IL2RB: variants seen among roughly 807,000 people sequenced by gnomAD.
IL2RB encodes the protein interleukin 2 receptor subunit beta.
IL2RB carries 17 observed loss-of-function variants against 44.2 expected under a neutral mutation model. That is an observed-to-expected ratio of 0.38 (90% CI 0.26 to 0.58). The LOEUF (loss-of-function observed/expected upper bound fraction) is 0.58. Ranked by LOEUF, IL2RB falls within the 20% of genes least tolerant of loss-of-function variation. The pLI is 0.63. For synonymous variants in IL2RB, 286 were observed against 297.9 expected (o/e 0.96, Z 0.41); for missense variants, 624 against 685.5 (o/e 0.91, Z 1.00).
rs1467626613 is a variant in IL2RB at position 37,128,044 on chromosome 22, T to C, written c.*52A>G. 3 of 1,429,818 alleles carry C rather than the reference T, an allele frequency of 2.1e-6. No individual in the cohort carries two copies. Among genetic ancestry groups the C allele is most frequent in the Non-Finnish European group, 2.8e-6 (3 of 1,088,438 alleles). 88.6% of individuals were successfully genotyped at this position (1,429,818 alleles called of 1,614,324 possible). A position where few individuals can be genotyped will look rare whatever the true frequency, so the allele number is the denominator to read the frequency against. ...CTGAGGACCCTCAACAGGGTCCTTC[T>C]GAGGCTCGGCGCAGAGCAGGCAGCT... On this transcript the variant is annotated 3_prime_UTR_variant, in exon 10 of 10. Transcript: ENST00000216223. The surrounding 1 kb of genome is among the most constrained non-coding windows in gnomAD (Gnocchi z 4.5).
intron 9 of IL2RB, among the ~76,000 whole-genome samples, chr22:37,129,884 C>T (rs2146225688): frequency 6.6e-6 from 1 of 152,330 alleles, no homozygotes; most frequent in Non-Finnish European, 1.5e-5. Flanking sequence ...AGCACAGGGG[C>T]CAGGCCCAAT....
chr22:37,136,432 C>T (rs775442402), intron 6 of IL2RB, 39 bp from the exon 7 acceptor site: 9 of 1,576,628 alleles, frequency 5.7e-6, no homozygotes, highest in East Asian at 2.3e-5. Flanking sequence ...CACCTCACCT[C>T]CCATGGCAGG....
Position 37,128,347 on chromosome 22 carries a change from G to A in IL2RB, c.1405C>T (p.Pro469Ser), listed in dbSNP as rs200339234. 261 of 1,503,330 alleles carry A rather than the reference G, an allele frequency of 1.7e-4. No homozygotes were observed. In the African/African-American group the frequency reaches 3.2e-3, roughly 18 times the overall value. The allele number at this position is 1,503,330 out of a possible 1,614,324, so 93.1% of individuals were successfully genotyped here. ...GGGGTGGGAGGCCCCAGGGGCTGGG[G>A]GTCCCAGTCTCTGGGGACTCTTTCT... ...LQERVPRDWD[P>S]QPLGPPTPGV... is the part of the protein sequence containing the mutation. Residue 469 changes from proline to serine, a missense_variant, in exon 10 of 10, where the codon CCC becomes TCC. Coordinates refer to ENST00000216223, the MANE Select transcript of IL2RB (RefSeq NM_000878.5). This position sits in a 1 kb window ranked among gnomAD's most constrained non-coding sequence, Gnocchi z 4.5.
chr22:37,159,240 T>G (rs1922777727), intron 1 of IL2RB, among the ~76,000 whole-genome samples: 1 of 152,202 alleles, frequency 6.6e-6, no homozygotes, highest in Admixed American at 6.5e-5. Context: ...CTTGCTTTTT[T>G]TTTTCTTAGT....
upstream of IL2RB, among the ~76,000 whole-genome samples, chr22:37,152,642 C>A (rs1922533722): frequency 6.6e-6 from 1 of 152,164 alleles, no homozygotes; most frequent in Non-Finnish European, 1.5e-5. Context: ...TGGTCACTTA[C>A]TGAACATTCT....
At position 37,144,076 on chromosome 22, in the gene IL2RB, G is replaced by T. The variant is rs1246097027; in HGVS notation, c.88+9C>A. The T allele has an allele frequency of 1.3e-6, 2 of 1,551,896 alleles. No homozygotes were observed. Among genetic ancestry groups the T allele is most frequent in the East Asian group, 4.9e-5 (2 of 40,952 alleles). Reference sequence around the variant, plus strand: ...GAAAGCAGAGCTGTTCAGATGTCAGGGTCCTCACCATTCACCGCTGCAGAT... The same window carrying T: ...GAAAGCAGAGCTGTTCAGATGTCAGTGTCCTCACCATTCACCGCTGCAGAT... On this transcript the variant is annotated intron_variant, in intron 2 of 9. Coordinates refer to ENST00000216223, the MANE Select transcript of IL2RB (RefSeq NM_000878.5).
intron 1 of IL2RB, among the ~76,000 whole-genome samples, chr22:37,156,882 A>G (rs1322314158): frequency 1.3e-5 from 2 of 152,014 alleles, no homozygotes; most frequent in African/African-American, 4.8e-5. Flanking sequence ...GCCAGCTGAC[A>G]CTGTCACCCA....
intron 8 of IL2RB, among the ~76,000 whole-genome samples, chr22:37,135,019 C>T (rs776227515): frequency 2.0e-5 from 3 of 152,140 alleles, no homozygotes; most frequent in Admixed American, 6.5e-5. Context: ...GACAGGGCCC[C>T]GGGGCTCTCC....
At chr22:37,153,292 G>C (rs1428506092), upstream of IL2RB, among the ~76,000 whole-genome samples, 1 of 150,592 alleles carries the variant, frequency 6.6e-6, no homozygotes, top group Non-Finnish European at 1.5e-5. Context: ...CTGCAAATGT[G>C]AGAAAAGTGG....
chr22:37,158,263 G>C (rs1003490819), intron 1 of IL2RB, among the ~76,000 whole-genome samples: 1 of 152,142 alleles, frequency 6.6e-6, no homozygotes, highest in African/African-American at 2.4e-5. Flanking sequence ...AGATAGGAAG[G>C]GGAGGGCTGG....
At chr22:37,142,936 C>T (rs1324657947) in intron 3 of IL2RB, among the ~76,000 whole-genome samples, 1 of 151,918 alleles carries the variant, frequency 6.6e-6, no homozygotes, top group Non-Finnish European at 1.5e-5. Context: ...TTTTCCCCCA[C>T]CCCACACCCT....
chr22:37,128,300 A>T lies in IL2RB; in HGVS notation c.1452T>A (p.Asp484Glu). 6.7e-7 allele frequency: 1 copy of T among 1,496,106 alleles called. No individual in the cohort carries two copies. Among genetic ancestry groups the T allele is most frequent in the Non-Finnish European group, 8.9e-7 (1 of 1,123,176 alleles). 92.7% of individuals were successfully genotyped at this position (1,496,106 alleles called of 1,614,324 possible). A position where few individuals can be genotyped will look rare whatever the true frequency, so the allele number is the denominator to read the frequency against. ...GCACCAGCTCAGGGGGTGGCTGAAA[A>T]TCCACCAGGTCTGGGACTCCTGGGG... ...PPTPGVPDLV[D>E]FQPPPELVLR... The change falls in exon 10 of 10, where the codon GAT (aspartate) becomes GAA (glutamate). Residue 484 changes from aspartate to glutamate, a missense_variant. By Grantham distance (45) the Asp-to-Glu change is conservative. Around this residue, in one of 3 missense-constraint regions of IL2RB, gnomAD observed 291 missense variants for 275.5 expected, o/e 1.06. Transcript: ENST00000216223. This position sits in a 1 kb window ranked among gnomAD's most constrained non-coding sequence, Gnocchi z 4.5.
intron 9 of IL2RB, among the ~76,000 whole-genome samples, chr22:37,131,212 A>T (rs1921406795): frequency 6.6e-6 from 1 of 152,104 alleles, no homozygotes; most frequent in Non-Finnish European, 1.5e-5. Context: ...TGCAACTAAG[A>T]TATTCTCATC....
At chr22:37,168,078 G>T (rs1484939165) in intron 1 of IL2RB, among the ~76,000 whole-genome samples, 4 of 152,240 alleles carry the variant, frequency 2.6e-5, no homozygotes, top group African/African-American at 9.6e-5. Context: ...ATGGAGGTAG[G>T]ACAAGTATGC....
intron 9 of IL2RB, among the ~76,000 whole-genome samples, chr22:37,130,068 C>T (rs1235856121): frequency 6.6e-6 from 1 of 152,254 alleles, no homozygotes; most frequent in African/African-American, 2.4e-5. Flanking sequence ...CATGCACACA[C>T]GTGCACACAC....
At chr22:37,151,677 T>C (rs1318760258), upstream of IL2RB, among the ~76,000 whole-genome samples, 3 of 152,176 alleles carry the variant, frequency 2.0e-5, no homozygotes, top group Admixed American at 2.0e-4. Context: ...TTCCTTTTAG[T>C]AGTTTCATAG....
intron 1 of IL2RB, among the ~76,000 whole-genome samples, chr22:37,164,711 C>T (rs5750385): frequency 0.53 from 79,747 of 151,670 alleles, 21,360 homozygotes; most frequent in East Asian, 0.79. Flanking sequence ...CTCAGAGACA[C>T]CAGAGGCTCC....
chr22:37,160,183 G>A (rs563512699), intron 1 of IL2RB, among the ~76,000 whole-genome samples: 52 of 152,384 alleles, frequency 3.4e-4, no homozygotes, highest in Admixed American at 1.0e-3. Context: ...CCCAGTGTCT[G>A]ACTGGCCAGG....
chr22:37,149,604 G>C (rs1039592595), intron 1 of IL2RB, among the ~76,000 whole-genome samples: 19 of 152,214 alleles, frequency 1.2e-4, no homozygotes, highest in African/African-American at 4.1e-4. Flanking sequence ...TTGGGAAGGA[G>C]AGCTGACCTG....
Sources: allele counts gnomAD v4.1 joint callset (sites outside exome capture counted in the v4.1 genomes callset), GRCh38; gene constraint gnomAD v4.1.1; regional missense constraint gnomAD v4.1.1; non-coding constraint Gnocchi (gnomAD v3.1); transcripts MANE v1.5; gene names NCBI Gene and HGNC (gene_info 2026-07-23, HGNC 2026-07-21).